Variants in PRKG1 observed in about 807,000 individuals in gnomAD.
PRKG1 encodes cGMP-dependent protein kinase 1.
Under a neutral mutation model 88.1 loss-of-function variants are expected in PRKG1, and 35 were observed. The observed-to-expected ratio is 0.40, with a 90% confidence interval of 0.30 to 0.53. The LOEUF (loss-of-function observed/expected upper bound fraction) is 0.53. PRKG1 is among the 20% of genes least tolerant of loss of function. The pLI is 0.59. For missense variants in PRKG1, 540 were observed against 839.8 expected (o/e 0.64, Z 4.41); for synonymous variants, 303 against 292.5 (o/e 1.04, Z -0.37).
chr10:51,374,082 CA>C lies in PRKG1; in HGVS notation c.479-93629del, dbSNP rs769407143. ...ACTTGAACCTGGCTGGCAGAGGTTG[CA>C]AAAAAAAAAAATATATATATATATA... On this transcript the variant is annotated intron_variant, in intron 2 of 17. Transcript: ENST00000373980. 1.7e-3 allele frequency among the ~76,000 whole-genome samples: 162 copies of C among 95,496 alleles called. 3 individuals carry two copies. Among genetic ancestry groups the C allele is most frequent in the Admixed American group, 4.4e-3 (42 of 9,584 alleles). The allele number at this position is 95,496 out of a possible 152,430, so 62.6% of individuals were successfully genotyped here.
At chr10:52,016,418 A>T (rs901158631) in intron 5 of PRKG1, among the ~76,000 whole-genome samples, 2 of 152,192 alleles carry the variant, frequency 1.3e-5, no homozygotes, top group Non-Finnish European at 2.9e-5. Context: ...AACTGCCCCC[A>T]TGATCCAGTC....
chr10:51,864,044 G>A (rs1463494888), intron 4 of PRKG1, among the ~76,000 whole-genome samples: 1 of 152,156 alleles, frequency 6.6e-6, no homozygotes, highest in African/African-American at 2.4e-5. Flanking sequence ...CATCCCATTG[G>A]ATTAGGGGAC....
At position 52,271,060 on chromosome 10, in the gene PRKG1, C is replaced by T. The variant is rs16928683; in HGVS notation, c.1174-290C>T. Among the ~76,000 whole-genome samples, 4,486 of 151,992 alleles carry T rather than the reference C, an allele frequency of 0.03. 293 individuals carry two copies. Among genetic ancestry groups the T allele is most frequent in the East Asian group, 0.23 (1,207 of 5,144 alleles). ...AAATGTATTCAAACACACTCTATGA[C>T]ATGAAATAATAAAACTAGAACTAAG... On this transcript the variant is annotated intron_variant, in intron 10 of 17. Coordinates refer to ENST00000373980, the MANE Select transcript of PRKG1 (RefSeq NM_006258.4).
At chr10:51,772,589 A>C (rs969817097) in intron 3 of PRKG1, among the ~76,000 whole-genome samples, 1 of 152,050 alleles carries the variant, frequency 6.6e-6, no homozygotes, top group Non-Finnish European at 1.5e-5. Flanking sequence ...CCTGGTGGTG[A>C]GAATATAAAT....
At chr10:51,097,963 T>A (rs1341229724) in intron 1 of PRKG1, among the ~76,000 whole-genome samples, 1 of 152,084 alleles carries the variant, frequency 6.6e-6, no homozygotes, top group Non-Finnish European at 1.5e-5. Context: ...AAAACTAGCC[T>A]TCTTTTCGTG....
At chr10:51,449,409 G>C (rs1402352399) in intron 2 of PRKG1, among the ~76,000 whole-genome samples, 1 of 150,658 alleles carries the variant, frequency 6.6e-6, no homozygotes, top group Non-Finnish European at 1.5e-5. Flanking sequence ...TCACTGAAGA[G>C]CTTTAATTTT....
At chr10:51,116,336 C>T (rs2131906716) in intron 1 of PRKG1, among the ~76,000 whole-genome samples, 1 of 152,232 alleles carries the variant, frequency 6.6e-6, no homozygotes, top group East Asian at 1.9e-4. Context: ...TTGCACCTCA[C>T]TCAAAATGAG....
intron 7 of PRKG1, among the ~76,000 whole-genome samples, chr10:52,089,775 C>T (rs1564464305): frequency 7.2e-6 from 1 of 137,998 alleles, no homozygotes; most frequent in African/African-American, 2.8e-5. Context: ...ACCAACACAT[C>T]TAGGGCTTAG....
At chr10:51,415,600 A>G (rs2132696328) in intron 2 of PRKG1, among the ~76,000 whole-genome samples, 1 of 152,306 alleles carries the variant, frequency 6.6e-6, no homozygotes, top group Admixed American at 6.5e-5. Flanking sequence ...ATACAGGCAG[A>G]AAAGGATTAT....
At position 52,294,127 on chromosome 10, in the gene PRKG1, C is replaced by A; in HGVS notation, c.*227C>A. 1 of 422,806 alleles carries A rather than the reference C, an allele frequency of 2.4e-6. No individual in the cohort carries two copies. The highest frequency in any genetic ancestry group is 4.2e-6 in the Non-Finnish European group (1 of 240,902). The allele number at this position is 422,806 out of a possible 1,614,324, so 26.2% of individuals were successfully genotyped here. ...CTAAAATAGCAGTTGACATGGTGGT[C>A]CTGAAGCAAAGCCTTTCACCAGTAA... On this transcript the variant is annotated 3_prime_UTR_variant, in exon 18 of 18. Transcript: ENST00000373980.
intron 2 of PRKG1, among the ~76,000 whole-genome samples, chr10:51,398,855 T>G (rs1160127757): frequency 1.3e-5 from 2 of 152,216 alleles, no homozygotes; most frequent in African/African-American, 4.8e-5. Flanking sequence ...CCTGAAGACC[T>G]GGAGCTGGAA....
At chr10:52,248,643 C>T (rs1292279192) in intron 9 of PRKG1, among the ~76,000 whole-genome samples, 1 of 152,110 alleles carries the variant, frequency 6.6e-6, no homozygotes, top group Non-Finnish European at 1.5e-5. Flanking sequence ...ATAATTGGTA[C>T]TTCCCGTATA....
At chr10:51,727,047 G>C (rs542192659) in intron 3 of PRKG1, among the ~76,000 whole-genome samples, 21 of 152,060 alleles carry the variant, frequency 1.4e-4, no homozygotes, top group African/African-American at 4.6e-4. Context: ...CCAAAGTGCT[G>C]GGATTACAGG....
In PRKG1 at chr10:52,133,911, T is replaced by C. The variant is rs1419655420; in HGVS notation, c.1001+6T>C. ...TGCCTTGTGATTGACAGAGAGTAAG[T>C]ACATTGTTTTATTATGTGAATTACA... On this transcript the variant is annotated splice_donor_region_variant and intron_variant, in intron 8 of 17. Transcript: ENST00000373980. 1 of 1,609,418 alleles carries C rather than the reference T, an allele frequency of 6.2e-7. No individual in the cohort carries two copies. The highest frequency in any genetic ancestry group is 8.5e-7 in the Non-Finnish European group (1 of 1,176,196).
At chr10:51,106,118 T>C (rs2131889213) in intron 1 of PRKG1, among the ~76,000 whole-genome samples, 1 of 152,330 alleles carries the variant, frequency 6.6e-6, no homozygotes, top group East Asian at 1.9e-4. Context: ...AGTTATTTAA[T>C]TCTATGAAAG....
intron 4 of PRKG1, among the ~76,000 whole-genome samples, chr10:51,820,387 G>A (rs1023490518): frequency 2.6e-5 from 4 of 152,104 alleles, no homozygotes; most frequent in African/African-American, 9.7e-5. Flanking sequence ...GGATAGGGTA[G>A]GTGTAATAAT....
At chr10:51,884,224 A>C (rs977846964) in intron 4 of PRKG1, among the ~76,000 whole-genome samples, 1 of 150,950 alleles carries the variant, frequency 6.6e-6, no homozygotes, top group Non-Finnish European at 1.5e-5. Context: ...AGACGGGCAG[A>C]TCACGAGGTC....
chr10:51,255,745 T>C (rs1475662176), intron 2 of PRKG1, among the ~76,000 whole-genome samples: 1 of 152,118 alleles, frequency 6.6e-6, no homozygotes, highest in Non-Finnish European at 1.5e-5. Context: ...ATGCCAGAGA[T>C]GAGCAAATAC....
At chr10:51,942,350 T>C (rs1842928562) in intron 5 of PRKG1, among the ~76,000 whole-genome samples, 1 of 152,012 alleles carries the variant, frequency 6.6e-6, no homozygotes, top group Non-Finnish European at 1.5e-5. Flanking sequence ...TTCTAGATAT[T>C]AGCCCTTTGT....
Sources: gnomAD v4.1 joint callset for allele counts (sites outside exome capture counted in the v4.1 genomes callset) on GRCh38, gnomAD v4.1.1 for gene constraint, MANE v1.5 for transcripts, NCBI Gene and HGNC (gene_info 2026-07-23, HGNC 2026-07-21) for gene names.